Variants in EZH2 observed in about 807,000 individuals in gnomAD.
The protein encoded by EZH2 is histone-lysine N-methyltransferase EZH2.
EZH2 carries 18 observed loss-of-function variants against 98.4 expected under a neutral mutation model. The ratio of observed to expected loss-of-function variants is 0.18; its 90% CI spans 0.13 to 0.27. The LOEUF is 0.27. Ranked by LOEUF, EZH2 falls within the 10% of genes least tolerant of loss-of-function variation. EZH2 has a pLI of 1.00. For synonymous variants in EZH2, 338 were observed against 312.3 expected (o/e 1.08, Z -0.87); for missense variants, 470 against 935.1 (o/e 0.50, Z 6.49).
At chr7:148,818,781 A>G (rs955730854) in intron 9 of EZH2, among the ~76,000 whole-genome samples, 2 of 152,214 alleles carry the variant, frequency 1.3e-5, no homozygotes, top group Non-Finnish European at 2.9e-5. Flanking sequence ...AGTATAAAAC[A>G]ATGGTAAGAG....
intron 8 of EZH2, among the ~76,000 whole-genome samples, chr7:148,825,080 C>T (rs370409336): frequency 4.6e-5 from 7 of 152,290 alleles, no homozygotes; most frequent in African/African-American, 1.7e-4. Flanking sequence ...TTATTAAATG[C>T]TACATCTATA....
chr7:148,835,423 C>CAAAA (rs545080861), intron 3 of EZH2, among the ~76,000 whole-genome samples: 1 of 71,416 alleles, frequency 1.4e-5, no homozygotes, highest in African/African-American at 5.1e-5. Context: ...GACCCCGCCT[C>CAAAA]AAAAAAAAAA....
chr7:148,881,253 A>T (rs556363049), intron 1 of EZH2, among the ~76,000 whole-genome samples: 1 of 152,362 alleles, frequency 6.6e-6, no homozygotes, highest in African/African-American at 2.4e-5. Flanking sequence ...ATCACTGCTC[A>T]TGTAAAGGGT....
At chr7:148,865,666 C>T (rs182823649) in intron 1 of EZH2, among the ~76,000 whole-genome samples, 4 of 152,328 alleles carry the variant, frequency 2.6e-5, no homozygotes, top group Non-Finnish European at 5.9e-5. Flanking sequence ...TGTGGTAAGG[C>T]ATCTTCCCAC....
At chr7:148,863,696 A>AAAC (rs1818031287) in intron 1 of EZH2, among the ~76,000 whole-genome samples, 3 of 152,238 alleles carry the variant, frequency 2.0e-5, no homozygotes, top group Admixed American at 2.0e-4. Flanking sequence ...AGAATGACAA[A>AAAC]AACACACAAG....
chr7:148,839,939 CACAAATATAA>C (rs1489383079), intron 3 of EZH2, among the ~76,000 whole-genome samples: 1 of 152,162 alleles, frequency 6.6e-6, no homozygotes, highest in African/African-American at 2.4e-5. Flanking sequence ...ACAGCCAATT[CACAAATATAA>C]ACAAACAGTA....
At chr7:148,834,002 A>G (rs1810165714) in intron 3 of EZH2, among the ~76,000 whole-genome samples, 1 of 152,210 alleles carries the variant, frequency 6.6e-6, no homozygotes, top group Non-Finnish European at 1.5e-5. Context: ...TTCAAGGTAC[A>G]TCATTATCTT....
chr7:148,841,627 GA>G (rs1812469868), intron 3 of EZH2, among the ~76,000 whole-genome samples: 1 of 152,096 alleles, frequency 6.6e-6, no homozygotes, highest in East Asian at 1.9e-4. Context: ...AATGTATAAA[GA>G]AACCATGTTA....
intron 3 of EZH2, among the ~76,000 whole-genome samples, chr7:148,837,325 T>C (rs908958662): frequency 1.8e-4 from 27 of 152,208 alleles, no homozygotes; most frequent in Admixed American, 1.2e-3. Flanking sequence ...TCTAACATCC[T>C]GTAGCCTTTC....
At chr7:148,824,403 A>G (rs1807081335) in intron 8 of EZH2, among the ~76,000 whole-genome samples, 1 of 152,110 alleles carries the variant, frequency 6.6e-6, no homozygotes. Flanking sequence ...CATATACAAC[A>G]GTGGTACCAT....
At chr7:148,849,427 TA>T (rs1815097657) in intron 1 of EZH2, among the ~76,000 whole-genome samples, 1 of 151,962 alleles carries the variant, frequency 6.6e-6, no homozygotes, top group Non-Finnish European at 1.5e-5. Context: ...AGTCACAAAT[TA>T]AAAGGACTAA....
intron 1 of EZH2, among the ~76,000 whole-genome samples, chr7:148,880,270 A>C (rs1163129876): frequency 6.6e-6 from 1 of 151,896 alleles, no homozygotes; most frequent in Non-Finnish European, 1.5e-5. Flanking sequence ...AATCATTTTA[A>C]AAGAATGATG....
At chr7:148,850,078 G>A (rs1423740821) in intron 1 of EZH2, among the ~76,000 whole-genome samples, 1 of 152,088 alleles carries the variant, frequency 6.6e-6, no homozygotes, top group African/African-American at 2.4e-5. Flanking sequence ...GAGTGCGGTG[G>A]TGCAATCTCC....
intron 10 of EZH2, chr7:148,817,671 A>C: frequency 1.3e-6 from 1 of 746,314 alleles, no homozygotes; most frequent in Non-Finnish European, 2.2e-6. Flanking sequence ...TCAGCTTTCA[A>C]ACAACCAAGC....
intron 1 of EZH2, among the ~76,000 whole-genome samples, chr7:148,874,547 A>C (rs1359766941): frequency 6.6e-6 from 1 of 152,192 alleles, no homozygotes; most frequent in African/African-American, 2.4e-5. Flanking sequence ...ACGATCACCT[A>C]CAGTGGTGGT....
chr7:148,814,208 G>A, intron 14 of EZH2, 71 bp from the exon 15 acceptor site: 2 of 1,359,690 alleles, frequency 1.5e-6, no homozygotes, highest in Non-Finnish European at 2.0e-6. Flanking sequence ...TACGTGGCAA[G>A]GGCTGTACTG....
chr7:148,809,167 C>G lies in EZH2; in HGVS notation c.2111-12G>C, dbSNP rs200556141. The G allele has an allele frequency of 6.2e-7, 1 of 1,613,624 alleles. No homozygotes were observed. The highest frequency in any genetic ancestry group is 1.7e-5 in the Admixed American group (1 of 60,028). ...GTTAACCATCATAACTGCAAAGAGA[C>G]ACACTGGTGTCAGTGAGCATGAAGA... On this transcript the variant is annotated splice_polypyrimidine_tract_variant and intron_variant, in intron 18 of 19. Coordinates refer to ENST00000320356, the MANE Select transcript of EZH2 (RefSeq NM_004456.5).
chr7:148,819,234 G>A (rs1179683619), intron 9 of EZH2, among the ~76,000 whole-genome samples: 1 of 152,072 alleles, frequency 6.6e-6, no homozygotes, highest in Non-Finnish European at 1.5e-5. Context: ...GAGGGATATG[G>A]CTATGAGAGG....
At chr7:148,836,191 G>C (rs1316650411) in intron 3 of EZH2, among the ~76,000 whole-genome samples, 3 of 152,158 alleles carry the variant, frequency 2.0e-5, no homozygotes, top group African/African-American at 7.2e-5. Flanking sequence ...TTTCTGGAAT[G>C]AACAGACTAC....
Sources: allele counts gnomAD v4.1 joint callset (sites outside exome capture counted in the v4.1 genomes callset), GRCh38; gene constraint gnomAD v4.1.1; transcripts MANE v1.5; gene names NCBI Gene and HGNC (gene_info 2026-07-23, HGNC 2026-07-21).